GABRB1: variants seen among roughly 807,000 people sequenced by gnomAD.
GABRB1 encodes the protein gamma-aminobutyric acid type A receptor subunit beta1.
A neutral mutation model predicts 51.6 loss-of-function variants in GABRB1; 17 were observed. The observed-to-expected ratio is 0.33, with a 90% CI of 0.23 to 0.49. GABRB1 has a LOEUF of 0.49. Among genes scored for constraint, GABRB1 ranks in the 20% least tolerant of loss-of-function variants. GABRB1 has a pLI of 0.99. For synonymous variants in GABRB1, 247 were observed against 218.9 expected (o/e 1.13, Z -1.14); for missense variants, 410 against 600.6 (o/e 0.68, Z 3.32).
Position 47,182,325 on chromosome 4 carries a change from C to A in GABRB1, c.461+20856C>A, listed in dbSNP as rs762550602. Reference sequence around the variant, plus strand: ...AGGATAATATGATGCAGTAGAGATTCATGGTTTCACACTGCAGAAAAAAGG... The same window carrying A: ...AGGATAATATGATGCAGTAGAGATTAATGGTTTCACACTGCAGAAAAAAGG... On this transcript the variant is annotated intron_variant, in intron 4 of 8. Transcript: ENST00000295454. Among the ~76,000 whole-genome samples the A allele has an allele frequency of 5.9e-5, 9 of 151,894 alleles. 1 individual carries two copies. The highest frequency in any genetic ancestry group is 1.3e-4 in the Non-Finnish European group (9 of 67,942).
intron 4 of GABRB1, among the ~76,000 whole-genome samples, chr4:47,166,986 C>T (rs1279923088): frequency 6.6e-6 from 1 of 152,088 alleles, no homozygotes; most frequent in Admixed American, 6.6e-5. Flanking sequence ...AACTCTCTTA[C>T]AATGTTTTAT....
intron 3 of GABRB1, among the ~76,000 whole-genome samples, chr4:47,077,958 TTA>T (rs1312467557): frequency 3.6e-4 from 35 of 97,438 alleles, no homozygotes; most frequent in African/African-American, 7.9e-4. Context: ...ATTATATATT[TTA>T]TATATATATT....
intron 3 of GABRB1, among the ~76,000 whole-genome samples, chr4:47,130,353 G>C (rs945230680): frequency 6.8e-6 from 1 of 147,974 alleles, no homozygotes; most frequent in Non-Finnish European, 1.5e-5. Context: ...GTGTGTGTGT[G>C]TGTGTGTGTG....
At chr4:47,359,983 A>T (rs1269739952) in intron 5 of GABRB1, among the ~76,000 whole-genome samples, 1 of 151,970 alleles carries the variant, frequency 6.6e-6, no homozygotes, top group African/African-American at 2.4e-5. Flanking sequence ...GTAAAAATGA[A>T]TTTCTATTTT....
intron 5 of GABRB1, among the ~76,000 whole-genome samples, chr4:47,376,470 C>A (rs1275807661): frequency 1.3e-5 from 2 of 151,860 alleles, no homozygotes; most frequent in Non-Finnish European, 2.9e-5. Flanking sequence ...CACGGTGAAA[C>A]CCCGTCTCTA....
At chr4:47,149,477 C>A (rs186963337) in intron 3 of GABRB1, among the ~76,000 whole-genome samples, 29 of 152,124 alleles carry the variant, frequency 1.9e-4, no homozygotes, top group African/African-American at 5.8e-4. Flanking sequence ...ATTTTCTCTA[C>A]AATCATAGGA....
intron 1 of GABRB1, among the ~76,000 whole-genome samples, chr4:47,001,482 T>G (rs1181728405): frequency 6.6e-6 from 1 of 152,180 alleles, no homozygotes; most frequent in Non-Finnish European, 1.5e-5. Flanking sequence ...ATTTCTTGGA[T>G]GAAATAAAGA....
chr4:47,422,576 C>T (rs1460655048), intron 8 of GABRB1, among the ~76,000 whole-genome samples: 2 of 152,124 alleles, frequency 1.3e-5, no homozygotes, highest in Admixed American at 6.6e-5. Flanking sequence ...ACCCTTCTCC[C>T]TCCTTGAGTT....
At chr4:47,376,543 G>A (rs985147737) in intron 5 of GABRB1, among the ~76,000 whole-genome samples, 12 of 152,208 alleles carry the variant, frequency 7.9e-5, no homozygotes, top group East Asian at 3.9e-4. Context: ...GCTACTTGGG[G>A]GGCTGAGGCA....
chr4:46,993,715 TC>T, upstream of GABRB1: 1 of 327,796 alleles, frequency 3.1e-6, no homozygotes. Flanking sequence ...GTTCTGGGGT[TC>T]GTATCCGCGC....
In GABRB1 at chr4:47,243,392, A is replaced by G. The variant is rs992819753; in HGVS notation, c.462-76735A>G. On this transcript the variant is annotated intron_variant, in intron 4 of 8. Transcript: ENST00000295454. ...CGGGCTCTTTTTTGGTTCCATATGA[A>G]CTTTAAAGTAGTTTTTTCCAATTCT... Among the ~76,000 whole-genome samples, 27 of 152,244 alleles carry G rather than the reference A, an allele frequency of 1.8e-4. 1 individual carries two copies. The highest frequency in any genetic ancestry group is 7.7e-4 in the East Asian group (4 of 5,188).
intron 4 of GABRB1, among the ~76,000 whole-genome samples, chr4:47,185,131 T>C (rs1719119924): frequency 1.3e-5 from 2 of 151,946 alleles, no homozygotes; most frequent in Admixed American, 6.6e-5. Flanking sequence ...TTCAGAAAAA[T>C]ATTATTTTGG....
chr4:47,295,942 G>C (rs1190391505), intron 4 of GABRB1, among the ~76,000 whole-genome samples: 1 of 152,132 alleles, frequency 6.6e-6, no homozygotes, highest in African/African-American at 2.4e-5. Flanking sequence ...GAAGAGAGTG[G>C]GGGCCAATAT....
intron 1 of GABRB1, among the ~76,000 whole-genome samples, chr4:47,007,296 T>C (rs1724437049): frequency 1.3e-5 from 2 of 152,168 alleles, no homozygotes; most frequent in Admixed American, 1.3e-4. Flanking sequence ...TATTTCAAAG[T>C]GATAAAGAGG....
intron 5 of GABRB1, among the ~76,000 whole-genome samples, chr4:47,376,420 G>A (rs1222126013): frequency 2.6e-5 from 4 of 152,202 alleles, no homozygotes; most frequent in Non-Finnish European, 5.9e-5. Flanking sequence ...GTCGAGACGG[G>A]CGGATCACGA....
intron 3 of GABRB1, among the ~76,000 whole-genome samples, chr4:47,125,518 A>G (rs1213184790): frequency 6.7e-6 from 1 of 150,304 alleles, no homozygotes; most frequent in African/African-American, 2.4e-5. Context: ...CAAGATAGCT[A>G]TAGATACATA....
At chr4:47,078,764 A>C (rs1365676291) in intron 3 of GABRB1, among the ~76,000 whole-genome samples, 1 of 152,118 alleles carries the variant, frequency 6.6e-6, no homozygotes, top group Non-Finnish European at 1.5e-5. Flanking sequence ...TTCTTATAGC[A>C]ATTACTTACT....
chr4:47,063,116 G>A (rs1183089402), intron 3 of GABRB1, among the ~76,000 whole-genome samples: 1 of 151,956 alleles, frequency 6.6e-6, no homozygotes, highest in Non-Finnish European at 1.5e-5. Context: ...ATCCCTCTGT[G>A]GCCACTCCCC....
intron 4 of GABRB1, among the ~76,000 whole-genome samples, chr4:47,212,339 A>G (rs930386855): frequency 1.3e-5 from 2 of 152,122 alleles, no homozygotes; most frequent in Admixed American, 1.3e-4. Context: ...GGTGCCGAGC[A>G]AGGGAGGAGA....
Sources: allele counts gnomAD v4.1 joint callset (sites outside exome capture counted in the v4.1 genomes callset), GRCh38; gene constraint gnomAD v4.1.1; transcripts MANE v1.5; gene names NCBI Gene and HGNC (gene_info 2026-07-23, HGNC 2026-07-21).